The following DYNC2I1 variants were observed in gnomAD, a reference collection of about 807,000 sequenced individuals.
The protein encoded by DYNC2I1 is dynein 2 intermediate chain 1, also known as cytoplasmic dynein 2 intermediate chain 1.
A neutral mutation model predicts 133.4 loss-of-function variants in DYNC2I1; 89 were observed. That is an observed-to-expected ratio of 0.67 (90% confidence interval 0.56 to 0.80). DYNC2I1 has a LOEUF of 0.80. Ranked by LOEUF, DYNC2I1 falls within the 30% of genes least tolerant of loss-of-function variation. The pLI is 0.00. For synonymous variants in DYNC2I1, 504 were observed against 484.3 expected, an observed-to-expected ratio of 1.04 and a Z score of -0.54; for missense variants, 1,291 against 1,314.5, an observed-to-expected ratio of 0.98 and a Z score of 0.28.
chr7:158,891,476 A>G (rs1845210892), intron 8 of DYNC2I1, 143 bp downstream of exon 8: 2 of 902,276 alleles, frequency 2.2e-6, no homozygotes, highest in Non-Finnish European at 1.8e-6. Context: ...GGGACAGATG[A>G]GATTTTCATA....
chr7:158,950,918 G>A (rs1228261309), downstream of DYNC2I1, among the ~76,000 whole-genome samples: 1 of 152,202 alleles, frequency 6.6e-6, no homozygotes, highest in African/African-American at 2.4e-5. Context: ...TATGATTCCA[G>A]GTGTGATATA....
At chr7:158,943,472 C>T (rs766093047) in intron 24 of DYNC2I1, among the ~76,000 whole-genome samples, 3 of 152,118 alleles carry the variant, frequency 2.0e-5, no homozygotes, top group Non-Finnish European at 4.4e-5. Flanking sequence ...GAAGAGGTCA[C>T]GAGCGTGGGT....
chr7:158,885,173 C>T (rs558789573), intron 6 of DYNC2I1, among the ~76,000 whole-genome samples: 14 of 152,084 alleles, frequency 9.2e-5, no homozygotes, highest in Non-Finnish European at 1.5e-4. Flanking sequence ...GATAACATTC[C>T]GCCCTCAGGC....
the DYNC2I1 span, among the ~76,000 whole-genome samples, chr7:158,851,399 G>T: frequency 7.2e-5 from 11 of 152,214 alleles, no homozygotes; most frequent in African/African-American, 2.6e-4. Context: ...TGGGTGTGGT[G>T]GTGGCTGGTG....
At chr7:158,894,874 A>G (rs1845620906) in intron 8 of DYNC2I1, among the ~76,000 whole-genome samples, 1 of 152,310 alleles carries the variant, frequency 6.6e-6, no homozygotes, top group South Asian at 2.1e-4. Flanking sequence ...TGTTCTGGAT[A>G]TAAAAGGATC....
chr7:158,956,369 A>G (rs970463694), intron 4 of DYNC2I1, among the ~76,000 whole-genome samples: 1 of 152,140 alleles, frequency 6.6e-6, no homozygotes, highest in Non-Finnish European at 1.5e-5. Context: ...CCGTTCCTGG[A>G]GGGGCCACCT....
At chr7:158,864,219 C>A (rs1435918938) in intron 1 of DYNC2I1, among the ~76,000 whole-genome samples, 1 of 152,082 alleles carries the variant, frequency 6.6e-6, no homozygotes, top group Non-Finnish European at 1.5e-5. Flanking sequence ...TTTAAAGGAG[C>A]TCACATTCCT....
intron 14 of DYNC2I1, among the ~76,000 whole-genome samples, chr7:158,916,637 C>T (rs1250156234): frequency 1.5e-4 from 11 of 72,912 alleles, no homozygotes; most frequent in Admixed American, 1.4e-3. Context: ...AACGTCTACA[C>T]GCTGGTTGAC....
chr7:158,930,253 T>C (rs746928573), intron 20 of DYNC2I1, among the ~76,000 whole-genome samples: 7 of 152,220 alleles, frequency 4.6e-5, no homozygotes, highest in Non-Finnish European at 1.0e-4. Context: ...GACTTTGAAC[T>C]GTGAATTCTC....
intron 1 of DYNC2I1, among the ~76,000 whole-genome samples, chr7:158,863,632 GGGCGGT>G: frequency 1.0e-5 from 1 of 97,606 alleles, no homozygotes; most frequent in Admixed American, 9.7e-5. Context: ...TGTTTGGGGG[GGGCGGT>G]GAGCGGGACG....
rs765976543 is a variant in DYNC2I1 at position 158,906,049 on chromosome 7, C to T, written c.1418C>T (p.Ala473Val). The change falls in exon 11 of 25, where the codon GCT becomes GTT. Residue 473 changes from alanine (A) to valine (V), a missense_variant. Ala to Val is a moderately conservative substitution (Grantham distance 64, BLOSUM62 0). Coordinates refer to ENST00000407559, the MANE Select transcript of DYNC2I1 (RefSeq NM_018051.5). ...GGAATTTTTGTGGATTTTGCCTCAGCTTCACACCGTCAAAAGAGTCGGACT... is the reference window on the plus strand; with the variant it reads ...GGAATTTTTGTGGATTTTGCCTCAGTTTCACACCGTCAAAAGAGTCGGACT... ...VCGIFVDFAS[A>V]SHRQKSRTQA... The T allele has an allele frequency of 6.2e-7, 1 of 1,613,804 alleles. No individual in the cohort carries two copies. Among genetic ancestry groups the T allele is most frequent in the Non-Finnish European group, 8.5e-7 (1 of 1,179,808 alleles).
intron 10 of DYNC2I1, chr7:158,904,828 G>C (rs1483457723): frequency 1.8e-5 from 4 of 216,298 alleles, no homozygotes; most frequent in African/African-American, 7.1e-5. Flanking sequence ...ACCCAGACAG[G>C]CATCCTCCAG....
the DYNC2I1 span, among the ~76,000 whole-genome samples, chr7:158,849,965 C>T: frequency 6.6e-6 from 1 of 152,240 alleles, no homozygotes; most frequent in African/African-American, 2.4e-5. Context: ...AGAGGTGGGG[C>T]CTTACTGGGG....
In DYNC2I1 at chr7:158,925,223, C is replaced by G. The variant is rs139500994; in HGVS notation, c.2258-964C>G. On this transcript the variant is annotated intron_variant, in intron 17 of 24. Coordinates refer to ENST00000407559, the MANE Select transcript of DYNC2I1 (RefSeq NM_018051.5). ...CATCAGTGCTTCATCTGGGTCCTCT[C>G]ACTTAGACACCCTGTAATTTATTCT... Among the ~76,000 whole-genome samples, 539 of 152,330 alleles carry G rather than the reference C, an allele frequency of 3.5e-3. 3 individuals carry two copies. The highest frequency in any genetic ancestry group is 0.012 in the African/African-American group (517 of 41,564).
chr7:158,881,032 G>A (rs1843946672), intron 5 of DYNC2I1, among the ~76,000 whole-genome samples: 2 of 152,220 alleles, frequency 1.3e-5, no homozygotes, highest in Admixed American at 6.5e-5. Flanking sequence ...GGAAATGGAC[G>A]TAGAGCTGGT....
chr7:158,926,213 C>T lies in DYNC2I1; in HGVS notation c.2284C>T (p.Arg762Ter), dbSNP rs1456300819. Residue 762 changes from arginine to a stop codon, truncating the protein, a stop_gained, in exon 18 of 25, where the codon CGA becomes TGA. Coordinates refer to ENST00000407559, the MANE Select transcript of DYNC2I1 (RefSeq NM_018051.5). LOFTEE classifies it high-confidence loss of function. ...TGGAATCCTTACCTCAGTAAACCAC[C>T]GAAGCCCTCTTCAAGCAGTAGAACC... ...TDGILTSVNH[R>*]SPLQAVEPIS... 9 of 1,613,284 alleles carry T rather than the reference C, an allele frequency of 5.6e-6. No individual in the cohort carries two copies. The highest frequency in any genetic ancestry group is 2.2e-5 in the East Asian group (1 of 44,892).
At chr7:158,902,804 G>A in intron 10 of DYNC2I1, 1 of 558,016 alleles carries the variant, frequency 1.8e-6, no homozygotes, top group Non-Finnish European at 3.1e-6. Context: ...CTCTTACACA[G>A]AGAAGTTGCA....
chr7:158,954,741 T>C (rs564106289), intron 4 of DYNC2I1, among the ~76,000 whole-genome samples: 1 of 152,368 alleles, frequency 6.6e-6, no homozygotes, highest in South Asian at 2.1e-4. Flanking sequence ...GAAAAAATTA[T>C]AGTCTCACCA....
chr7:158,914,248 A>T lies in DYNC2I1; in HGVS notation c.1718A>T (p.Asp573Val). 3 of 1,611,502 alleles carry T rather than the reference A, an allele frequency of 1.9e-6. No individual in the cohort carries two copies. The highest frequency in any genetic ancestry group is 2.5e-6 in the Non-Finnish European group (3 of 1,178,834). Residue 573 changes from aspartate (D) to valine (V), a missense_variant, in exon 14 of 25, where the codon GAT (aspartate) becomes GTT (valine). Transcript: ENST00000407559. ...TTTTTTTTAGGCAGTGAACAAAGAGATACCTCTGATGCTGTAGTTATGCCA... is the reference window on the plus strand; with the variant it reads ...TTTTTTTTAGGCAGTGAACAAAGAGTTACCTCTGATGCTGTAGTTATGCCA... ...TVVSGGSEQR[D>V]TSDAVVMPKI...
Sources: gnomAD v4.1 joint callset for allele counts (sites outside exome capture counted in the v4.1 genomes callset) on GRCh38, gnomAD v4.1.1 for gene constraint, MANE v1.5 for transcripts, NCBI Gene and HGNC (gene_info 2026-07-23, HGNC 2026-07-21) for gene names.